The following NWD2 variants were observed in gnomAD, a reference collection of about 807,000 sequenced individuals.
NWD2 encodes the protein NACHT and WD repeat domain containing 2, also known as NACHT and WD repeat domain-containing protein 2.
NWD2 carries 37 observed loss-of-function variants against 132.7 expected under a neutral mutation model. That is an observed-to-expected ratio of 0.28 (90% CI 0.21 to 0.37). NWD2 has a LOEUF of 0.37. Ranked by LOEUF, NWD2 falls within the 10% of genes least tolerant of loss-of-function variation. NWD2 has a pLI of 1.00. For missense variants in NWD2, 1,592 were observed against 2,122.4 expected, an observed-to-expected ratio of 0.75 and a Z score of 4.91; for synonymous variants, 705 against 803.0, an observed-to-expected ratio of 0.88 and a Z score of 2.06.
In NWD2 at chr4:37,445,109, T is replaced by C; in HGVS notation, c.3121T>C (p.Ser1041Pro). Residue 1041 changes from serine (S) to proline (P), a missense_variant, in exon 7 of 7, where the codon TCT (serine) becomes CCT (proline). Coordinates refer to ENST00000309447, the MANE Select transcript of NWD2 (RefSeq NM_001144990.2). This position sits in a 1 kb window ranked among gnomAD's most constrained non-coding sequence, Gnocchi z 4.7. The part of the protein sequence containing the change: ...NTLLIYDNVN[S>P]CLLSEVEIKG... The stretch of plus-strand genomic sequence containing the variant: ...CTTGTTGATTTATGACAATGTCAAT[T>C]CTTGCCTCCTGTCTGAAGTAGAAAT... The C allele has an allele frequency of 6.4e-7, 1 of 1,551,950 alleles. No homozygotes were observed. Among genetic ancestry groups the C allele is most frequent in the South Asian group, 1.2e-5 (1 of 84,056 alleles).
intron 3 of NWD2, among the ~76,000 whole-genome samples, chr4:37,418,884 G>A (rs938066743): frequency 7.3e-5 from 11 of 151,682 alleles, no homozygotes; most frequent in African/African-American, 2.4e-4. Flanking sequence ...GTGTAAGACG[G>A]TATCTCATTG....
intron 6 of NWD2, among the ~76,000 whole-genome samples, chr4:37,440,075 A>G (rs919542196): frequency 3.3e-5 from 5 of 152,072 alleles, no homozygotes; most frequent in African/African-American, 9.7e-5. Flanking sequence ...AGGCCTTTTC[A>G]TGGCTTCCTG....
chr4:37,386,064 G>T (rs1330534394), intron 3 of NWD2, among the ~76,000 whole-genome samples: 1 of 152,190 alleles, frequency 6.6e-6, no homozygotes, highest in Non-Finnish European at 1.5e-5. Context: ...CTGTTGTCAT[G>T]TGAGGGCTCA....
chr4:37,352,842 A>G (rs984155444), intron 2 of NWD2, among the ~76,000 whole-genome samples: 1 of 152,178 alleles, frequency 6.6e-6, no homozygotes. Context: ...TGGGGCATTT[A>G]GCCCATTTGT....
At position 37,446,914 on chromosome 4, in the gene NWD2, C is replaced by A; in HGVS notation, c.4926C>A (p.Ile1642=). The change falls in exon 7 of 7, where the codon ATC becomes ATA. Residue 1642 remains isoleucine, a synonymous_variant. Coordinates refer to ENST00000309447, the MANE Select transcript of NWD2 (RefSeq NM_001144990.2). The surrounding 1 kb of genome is among the most constrained non-coding windows in gnomAD (Gnocchi z 6.7). ...GCTTTGATGATGGGAGTATAGGGAT[C>A]TACACGGTAGTAGACCGTGTAGATG... ...IVGFDDGSIG[I]YTVVDRVDAA... 6.4e-7 allele frequency: 1 copy of A among 1,551,746 alleles called. No homozygotes were observed. The highest frequency in any genetic ancestry group is 8.7e-7 in the Non-Finnish European group (1 of 1,146,998).
chr4:37,278,288 C>T (rs1452169920), intron 1 of NWD2, among the ~76,000 whole-genome samples: 1 of 152,248 alleles, frequency 6.6e-6, no homozygotes, highest in African/African-American at 2.4e-5. Flanking sequence ...TATGATTTCT[C>T]CAACCATGAC....
At chr4:37,292,600 C>T (rs970962021) in intron 1 of NWD2, among the ~76,000 whole-genome samples, 11 of 152,130 alleles carry the variant, frequency 7.2e-5, no homozygotes, top group Non-Finnish European at 1.5e-4. Context: ...GCCCCAGGAT[C>T]CCATTCAAAC....
chr4:37,390,037 G>C (rs571128784), intron 3 of NWD2, among the ~76,000 whole-genome samples: 1 of 152,126 alleles, frequency 6.6e-6, no homozygotes, highest in Non-Finnish European at 1.5e-5. Flanking sequence ...TGATCCGCCC[G>C]CCTCAGCCTC....
At chr4:37,403,469 C>G (rs1468268162) in intron 3 of NWD2, among the ~76,000 whole-genome samples, 3 of 152,076 alleles carry the variant, frequency 2.0e-5, no homozygotes, top group Non-Finnish European at 4.4e-5. Flanking sequence ...CATTCGTGCT[C>G]CTAGTACAGG....
At chr4:37,294,009 A>G (rs1218467428) in intron 1 of NWD2, among the ~76,000 whole-genome samples, 1 of 152,218 alleles carries the variant, frequency 6.6e-6, no homozygotes, top group East Asian at 1.9e-4. Context: ...ACTATAGGCT[A>G]TAGTAAGAAG....
chr4:37,319,764 G>C (rs1719031270), intron 1 of NWD2, among the ~76,000 whole-genome samples: 1 of 152,090 alleles, frequency 6.6e-6, no homozygotes, highest in Admixed American at 6.6e-5. Context: ...TGTCAACTTT[G>C]TTGAAGATCA....
chr4:37,288,434 A>G (rs1000244853), intron 1 of NWD2, among the ~76,000 whole-genome samples: 4 of 152,242 alleles, frequency 2.6e-5, no homozygotes, highest in African/African-American at 7.2e-5. Context: ...TACTTTAGCC[A>G]GTATCACTTA....
At position 37,315,737 on chromosome 4, in the gene NWD2, A is replaced by G. The variant is rs75521924; in HGVS notation, c.152-10199A>G. Among the ~76,000 whole-genome samples the G allele has an allele frequency of 8.3e-3, 1,268 of 152,104 alleles. 50 individuals carry two copies. In the East Asian group the frequency reaches 0.13, roughly 15 times the overall value. Reference sequence around the variant, plus strand: ...TCTGCCATTTTACTATTTTCTACATATCTCACGTTGGTTTTCTTCGTTTGT... The same window carrying G: ...TCTGCCATTTTACTATTTTCTACATGTCTCACGTTGGTTTTCTTCGTTTGT... On this transcript the variant is annotated intron_variant, in intron 1 of 6. Coordinates refer to ENST00000309447, the MANE Select transcript of NWD2 (RefSeq NM_001144990.2).
intron 1 of NWD2, among the ~76,000 whole-genome samples, chr4:37,283,738 A>G (rs1312512324): frequency 6.6e-6 from 1 of 152,190 alleles, no homozygotes; most frequent in African/African-American, 2.4e-5. Context: ...TTGATATCTC[A>G]GTAGTATCTG....
Position 37,443,343 on chromosome 4 carries a change from G to A in NWD2, c.1355G>A (p.Arg452Lys), listed in dbSNP as rs573305620. ...GPESDPVVIV[R>K]FLGTTDMSSD... ...GAATCTGACCCAGTAGTCATCGTGA[G>A]ATTTCTAGGAACGACAGACATGAGC... The change falls in exon 7 of 7, where the codon AGA becomes AAA. Residue 452 changes from arginine to lysine, a missense_variant. This residue lies in a region of NWD2 where 1,071 missense variants were observed against 1,398.0 expected (regional missense o/e 0.77). Coordinates refer to ENST00000309447, the MANE Select transcript of NWD2 (RefSeq NM_001144990.2). The surrounding 1 kb of genome is among the most constrained non-coding windows in gnomAD (Gnocchi z 4.1). The A allele has an allele frequency of 1.9e-6, 3 of 1,551,778 alleles. No individual in the cohort carries two copies. The highest frequency in any genetic ancestry group is 2.7e-5 in the African/African-American group (2 of 73,180).
chr4:37,287,251 A>G (rs749939072), intron 1 of NWD2, among the ~76,000 whole-genome samples: 1 of 152,224 alleles, frequency 6.6e-6, no homozygotes, highest in Non-Finnish European at 1.5e-5. Context: ...TCTCAGCTGG[A>G]ATCTGCCTAA....
intron 1 of NWD2, among the ~76,000 whole-genome samples, chr4:37,293,387 A>G (rs1214491197): frequency 2.0e-5 from 3 of 152,230 alleles, no homozygotes; most frequent in Non-Finnish European, 4.4e-5. Context: ...TGTACATGGC[A>G]AGTTGCAAAC....
chr4:37,341,530 CATGAA>C (rs1456441941), intron 2 of NWD2, among the ~76,000 whole-genome samples: 2 of 152,122 alleles, frequency 1.3e-5, no homozygotes, highest in African/African-American at 4.8e-5. Flanking sequence ...GCAAACATGA[CATGAA>C]ATGAGATTGA....
At chr4:37,344,455 T>C (rs899919805) in intron 2 of NWD2, among the ~76,000 whole-genome samples, 7 of 152,066 alleles carry the variant, frequency 4.6e-5, no homozygotes, top group African/African-American at 1.7e-4. Context: ...TAAGAAGACA[T>C]GGAGCTATGA....
Sources: gnomAD v4.1 joint callset for allele counts (sites outside exome capture counted in the v4.1 genomes callset) on GRCh38, gnomAD v4.1.1 for gene constraint, gnomAD v4.1.1 regional missense constraint, Gnocchi (gnomAD v3.1) non-coding constraint, MANE v1.5 for transcripts, NCBI Gene and HGNC (gene_info 2026-07-23, HGNC 2026-07-21) for gene names.